The following CBLB variants were observed in gnomAD, a reference collection of about 807,000 sequenced individuals.
The protein encoded by CBLB is E3 ubiquitin-protein ligase CBL-B.
In CBLB, 31 loss-of-function variants were observed where a neutral mutation model predicts 104.9. The observed-to-expected ratio is 0.30, with a 90% CI of 0.22 to 0.40. The LOEUF is 0.40. Ranked by LOEUF, CBLB falls within the 10% of genes least tolerant of loss-of-function variation. The probability of loss-of-function intolerance (pLI) is 1.00; values close to 1 mark genes in which losing one functional copy is unlikely to be tolerated. For synonymous variants in CBLB, 440 were observed against 422.6 expected (o/e 1.04, Z -0.51); for missense variants, 1,062 against 1,214.6 (o/e 0.87, Z 1.87).
chr3:105,660,216 C>G (rs1220038086), intron 18 of CBLB, among the ~76,000 whole-genome samples: 1 of 152,106 alleles, frequency 6.6e-6, no homozygotes, highest in African/African-American at 2.4e-5. Context: ...TGGAGTTTTA[C>G]TCTTGTTGCC....
At chr3:105,681,208 G>C (rs778743603) in intron 16 of CBLB, 107 of 522,754 alleles carry the variant, frequency 2.0e-4, no homozygotes, top group Non-Finnish European at 4.0e-5. Flanking sequence ...AGAGCACAAA[G>C]CTCTCATGTG....
At chr3:105,665,004 A>C (rs1438390745) in intron 18 of CBLB, among the ~76,000 whole-genome samples, 1 of 152,166 alleles carries the variant, frequency 6.6e-6, no homozygotes, top group African/African-American at 2.4e-5. Context: ...TTTTTAAAAA[A>C]CTGAAACTGA....
rs72995656 is a variant in CBLB at position 105,768,778 on chromosome 3, T to C, written c.566+7618A>G. Among the ~76,000 whole-genome samples, 630 of 152,108 alleles carry C rather than the reference T, an allele frequency of 4.1e-3. 5 individuals are homozygous for C. Among genetic ancestry groups the C allele is most frequent in the African/African-American group, 0.015 (609 of 41,482 alleles). On this transcript the variant is annotated intron_variant, in intron 4 of 18. Coordinates refer to ENST00000394030, the MANE Select transcript of CBLB (RefSeq NM_170662.5). Reference sequence around the variant, plus strand: ...CAAAGTATAGAGTAATTAACATAGATCACGTAGAAGGGTGTATATGAATGA... The same window carrying C: ...CAAAGTATAGAGTAATTAACATAGACCACGTAGAAGGGTGTATATGAATGA...
rs76425852 is a variant in CBLB, at chr3:105,838,669, T to C, written c.419+14745A>G. On this transcript the variant is annotated intron_variant, in intron 3 of 18. Coordinates refer to ENST00000394030, the MANE Select transcript of CBLB (RefSeq NM_170662.5). ...AAACCTTACAGAAATGTATCCTTCT[T>C]TTTTTTTTTTTTTTTCTGTCGCCAG... 9.6e-3 allele frequency among the ~76,000 whole-genome samples: 853 copies of C among 88,404 alleles called. 22 individuals carry two copies. The East Asian group carries it at 0.14, about 14-fold the overall frequency. The allele number at this position is 88,404 out of a possible 152,430, so 58.0% of individuals were successfully genotyped here.
chr3:105,860,209 T>C (rs1225643893), intron 2 of CBLB, among the ~76,000 whole-genome samples: 1 of 152,188 alleles, frequency 6.6e-6, no homozygotes, highest in Admixed American at 6.5e-5. Flanking sequence ...GTGCAACAAA[T>C]ATTTGATGGC....
At chr3:105,806,369 A>G (rs2083490768) in intron 3 of CBLB, among the ~76,000 whole-genome samples, 1 of 151,954 alleles carries the variant, frequency 6.6e-6, no homozygotes, top group South Asian at 2.1e-4. Context: ...GAGGAATACA[A>G]TCCTCAATGG....
In CBLB at chr3:105,658,182, A is replaced by C. The variant is rs1337729612; in HGVS notation, c.*788T>G. The C allele has an allele frequency of 1.4e-5, 3 of 215,918 alleles. No individual in the cohort carries two copies. The highest frequency in any genetic ancestry group is 6.8e-5 in the African/African-American group (3 of 44,344). The allele number at this position is 215,918 out of a possible 1,614,324, so 13.4% of individuals were successfully genotyped here. A position where few individuals can be genotyped will look rare whatever the true frequency, so the allele number is the denominator to read the frequency against. ...GCTTTCTAATATTGTAGATTTTTAC[A>C]GTTGTGACACCCCTGGGATGACAGA... On this transcript the variant is annotated 3_prime_UTR_variant, in exon 19 of 19. Transcript: ENST00000394030.
In CBLB at chr3:105,681,569, G is replaced by C. The variant is rs114304782; in HGVS notation, c.2338C>G (p.Pro780Ala). Reference protein sequence around the residue: ...DSASDPVPLPPARPPTRDNPK... With the variant: ...DSASDPVPLPAARPPTRDNPK... The stretch of plus-strand genomic sequence containing the variant: ...TTGTCCCGAGTTGGAGGCCTGGCAG[G>C]TGGTAATGGCACGGGATCAGAGGCT... The change falls in exon 16 of 19, where the codon CCT (proline) becomes GCT (alanine). Residue 780 changes from proline (P) to alanine (A), a missense_variant. Pro to Ala is a conservative substitution (Grantham distance 27, BLOSUM62 -1). This residue lies in a region of CBLB where 605 missense variants were observed against 582.6 expected (regional missense o/e 1.04). Transcript: ENST00000394030. 4.5e-5 allele frequency: 72 copies of C among 1,614,048 alleles called. No individual in the cohort carries two copies. The East Asian group carries it at 1.6e-3, about 36-fold the overall frequency.
chr3:105,666,797 C>G (rs7645026), intron 18 of CBLB, among the ~76,000 whole-genome samples: 86,731 of 152,062 alleles, frequency 0.57, 25,507 homozygotes, highest in Middle Eastern at 0.69. Context: ...GTTATTTAAT[C>G]TTAGATTTGT....
chr3:105,839,380 G>A (rs559058536), intron 3 of CBLB: 1 of 152,286 alleles, frequency 6.6e-6, no homozygotes, highest in African/African-American at 2.4e-5. Flanking sequence ...GATAGGAAAT[G>A]TTAGTTTCAT....
Position 105,655,804 on chromosome 3 carries a change from T to G in CBLB, c.*3166A>C, listed in dbSNP as rs1442090474. The G allele has an allele frequency of 4.7e-6, 1 of 214,142 alleles. No homozygotes were observed. The highest frequency in any genetic ancestry group is 9.4e-6 in the Non-Finnish European group (1 of 105,934). 13.3% of individuals were successfully genotyped at this position (214,142 alleles called of 1,614,324 possible). A position where few individuals can be genotyped will look rare whatever the true frequency, so the allele number is the denominator to read the frequency against. On this transcript the variant is annotated 3_prime_UTR_variant, in exon 19 of 19. Coordinates refer to ENST00000394030, the MANE Select transcript of CBLB (RefSeq NM_170662.5). ...TAAAATTTTATCCAAGTTAATTCAG[T>G]GCAAATCAAAGCTTCAAGTTGAAAA...
intron 2 of CBLB, among the ~76,000 whole-genome samples, chr3:105,859,158 T>C (rs2153138974): frequency 6.6e-6 from 1 of 152,262 alleles, no homozygotes; most frequent in East Asian, 1.9e-4. Flanking sequence ...GATAGTACAT[T>C]CCTTGCAAAC....
intron 3 of CBLB, among the ~76,000 whole-genome samples, chr3:105,816,809 A>G (rs2085123264): frequency 6.6e-6 from 1 of 152,208 alleles, no homozygotes; most frequent in Non-Finnish European, 1.5e-5. Context: ...GCTGCGGTGG[A>G]TACCAAAAAG....
chr3:105,848,347 T>C (rs2090543105), intron 3 of CBLB, among the ~76,000 whole-genome samples: 2 of 152,068 alleles, frequency 1.3e-5, no homozygotes. Context: ...AAATATCTAC[T>C]TCAGTAGCAT....
chr3:105,674,459 T>A (rs1283568435), intron 17 of CBLB, among the ~76,000 whole-genome samples: 4 of 152,222 alleles, frequency 2.6e-5, no homozygotes, highest in African/African-American at 9.6e-5. Flanking sequence ...ACTTTAAGAT[T>A]AGATAAGATC....
At chr3:105,841,795 T>A (rs756882740) in intron 3 of CBLB, among the ~76,000 whole-genome samples, 8 of 151,938 alleles carry the variant, frequency 5.3e-5, no homozygotes, top group Non-Finnish European at 1.2e-4. Context: ...CAAAATAGAG[T>A]AAATATCCTT....
chr3:105,668,218 C>T (rs2064684946), intron 18 of CBLB, among the ~76,000 whole-genome samples: 3 of 152,254 alleles, frequency 2.0e-5, no homozygotes, highest in Non-Finnish European at 4.4e-5. Flanking sequence ...TGGCAAATGG[C>T]TATTCGGGGA....
chr3:105,709,860 T>A (rs1289133412), intron 10 of CBLB, among the ~76,000 whole-genome samples: 1 of 151,954 alleles, frequency 6.6e-6, no homozygotes, highest in Non-Finnish European at 1.5e-5. Context: ...TCACCAGCCA[T>A]GTGTGATAAT....
intron 3 of CBLB, among the ~76,000 whole-genome samples, chr3:105,781,065 TGAA>T (rs1467304305): frequency 6.6e-6 from 1 of 152,038 alleles, no homozygotes; most frequent in East Asian, 1.9e-4. Context: ...AGAGGAGGCT[TGAA>T]GAAGAAAGAA....
Sources: allele counts gnomAD v4.1 joint callset (sites outside exome capture counted in the v4.1 genomes callset), GRCh38; gene constraint gnomAD v4.1.1; regional missense constraint gnomAD v4.1.1; transcripts MANE v1.5; gene names NCBI Gene and HGNC (gene_info 2026-07-23, HGNC 2026-07-21).